Variants in SERPINF1 observed in about 807,000 individuals in gnomAD.
SERPINF1 encodes the protein pigment epithelium-derived factor.
SERPINF1 carries 29 observed loss-of-function variants against 37.3 expected under a neutral mutation model. The observed-to-expected ratio is 0.78, with a 90% CI of 0.58 to 1.06. The LOEUF is 1.06. Ranked by LOEUF, SERPINF1 falls within the 50% of genes least tolerant of loss-of-function variation. The probability of loss-of-function intolerance (pLI) is 0.00; values close to 1 mark genes in which losing one functional copy is unlikely to be tolerated. For missense variants in SERPINF1, 553 were observed against 532.2 expected (o/e 1.04, Z -0.38); for synonymous variants, 281 against 227.9 (o/e 1.23, Z -2.10).
intron 5 of SERPINF1, among the ~76,000 whole-genome samples, chr17:1,773,456 G>T (rs893895002): frequency 2.6e-5 from 4 of 152,122 alleles, no homozygotes; most frequent in Admixed American, 1.3e-4. Context: ...ATGCTGGCCA[G>T]GCTGTTCTCG....
In SERPINF1 at chr17:1,771,762, A is replaced by G. The variant is rs1448152624; in HGVS notation, c.440-110A>G. On this transcript the variant is annotated intron_variant, in intron 4 of 7. Transcript: ENST00000254722. Reference sequence around the variant, plus strand: ...AAGTCACAGGAAGATGCTGGCTGGGAAGTCAGGGCCTGCTGAGCGCTAAAC... The same window carrying G: ...AAGTCACAGGAAGATGCTGGCTGGGGAGTCAGGGCCTGCTGAGCGCTAAAC... 5.0e-6 allele frequency: 5 copies of G among 1,008,338 alleles called. No homozygotes were observed. In the Admixed American group the frequency reaches 9.6e-5, roughly 19 times the overall value. The allele number at this position is 1,008,338 out of a possible 1,614,324, so 62.5% of individuals were successfully genotyped here.
At chr17:1,772,621 C>T (rs912581877) in intron 5 of SERPINF1, among the ~76,000 whole-genome samples, 5 of 150,628 alleles carry the variant, frequency 3.3e-5, no homozygotes, top group African/African-American at 7.3e-5. Context: ...TGCAGTGGCG[C>T]GATCTCGGCT....
Position 1,777,488 on chromosome 17 carries a change from G to A in SERPINF1, c.*42G>A, listed in dbSNP as rs754816339. ...TCCAATACCCTAGAAGAAAACCCGAGGGACAGCAGATTCCACAGGACACGA... is the reference window on the plus strand; with the variant it reads ...TCCAATACCCTAGAAGAAAACCCGAAGGACAGCAGATTCCACAGGACACGA... On this transcript the variant is annotated 3_prime_UTR_variant, in exon 8 of 8. Transcript: ENST00000254722. The A allele has an allele frequency of 4.3e-5, 69 of 1,613,224 alleles. No homozygotes were observed. The highest frequency in any genetic ancestry group is 5.8e-5 in the Non-Finnish European group (68 of 1,179,830).
At chr17:1,771,845 G>T (rs771620153) in intron 4 of SERPINF1, 27 bp from the exon 5 acceptor site, 16 of 1,605,344 alleles carry the variant, frequency 1.0e-5, no homozygotes, top group Non-Finnish European at 1.3e-5. Flanking sequence ...AGTCTCATAC[G>T]CTAACCTCTG....
intron 2 of SERPINF1, among the ~76,000 whole-genome samples, chr17:1,768,469 T>C (rs1425163086): frequency 6.6e-6 from 1 of 150,858 alleles, no homozygotes; most frequent in Non-Finnish European, 1.5e-5. Context: ...AACTGAGTTC[T>C]TTTTTTTAAC....
intron 1 of SERPINF1, among the ~76,000 whole-genome samples, chr17:1,765,143 C>CT (rs34386380): frequency 0.38 from 46,778 of 124,710 alleles, 9,206 homozygotes; most frequent in African/African-American, 0.42. Context: ...TGCGCCTGGC[C>CT]TTTTTTTTTT....
chr17:1,777,037 A>G, intron 7 of SERPINF1, 150 bp from the exon 8 acceptor site: 1 of 1,238,566 alleles, frequency 8.1e-7, no homozygotes, highest in African/African-American at 1.5e-5. Context: ...CTCCTGGGCA[A>G]GTCACTCCAC....
chr17:1,773,248 T>G (rs1332218912), intron 5 of SERPINF1, among the ~76,000 whole-genome samples: 36 of 151,988 alleles, frequency 2.4e-4, no homozygotes. Context: ...CAGACAAGAT[T>G]TATTTATTTA....
intron 2 of SERPINF1, among the ~76,000 whole-genome samples, chr17:1,768,839 T>A (rs1362113020): frequency 6.6e-6 from 1 of 151,894 alleles, no homozygotes; most frequent in African/African-American, 2.4e-5. Context: ...AGGGTCTCAC[T>A]CTGTCACCCA....
intron 4 of SERPINF1, among the ~76,000 whole-genome samples, 157 bp downstream of exon 4, chr17:1,771,341 C>T (rs1271743999): frequency 5.9e-5 from 9 of 151,558 alleles, no homozygotes; most frequent in East Asian, 1.9e-4. Context: ...CTCCACCTCC[C>T]GGGTTCACAC....
At chr17:1,763,388 C>CCTTG (rs1567751058) in intron 1 of SERPINF1, among the ~76,000 whole-genome samples, 1 of 152,232 alleles carries the variant, frequency 6.6e-6, no homozygotes. Context: ...TAAGGCCTGA[C>CCTTG]CTTGGCCCAG....
At position 1,776,738 on chromosome 17, in the gene SERPINF1, G is replaced by T; in HGVS notation, c.993G>T (p.Glu331Asp). 6.2e-7 allele frequency: 1 copy of T among 1,613,292 alleles called. No individual in the cohort carries two copies. Among genetic ancestry groups the T allele is most frequent in the East Asian group, 2.2e-5 (1 of 44,806 alleles). ...GCGAAGTCACCAAGTCCCTGCAGGA[G>T]ATGAGTATGTCTGAAGACCCTTTCG... ...YEGEVTKSLQEMKLQSLFDSP... is the reference protein window; with the variant it reads ...YEGEVTKSLQDMKLQSLFDSP... The change falls in exon 7 of 8, where the codon GAG becomes GAT. Residue 331 changes from glutamate (E) to aspartate (D), a missense_variant. Glu to Asp is a conservative substitution (Grantham distance 45). Transcript: ENST00000254722.
At chr17:1,774,956 T>C (rs1342662922) in intron 5 of SERPINF1, 102 bp from the exon 6 acceptor site, 27 of 1,484,950 alleles carry the variant, frequency 1.8e-5, no homozygotes, top group Non-Finnish European at 2.5e-5. Context: ...CTAAGCTCCC[T>C]TGAGTGGGGC....
chr17:1,771,805 A>T, intron 4 of SERPINF1, 67 bp from the exon 5 acceptor site: 1 of 1,502,012 alleles, frequency 6.7e-7, no homozygotes, highest in Non-Finnish European at 9.1e-7. Flanking sequence ...CGAGCCTGGC[A>T]GGCTCTCAAA....
chr17:1,771,796 G>C (rs376671630), intron 4 of SERPINF1, 76 bp from the exon 5 acceptor site: 7 of 1,467,488 alleles, frequency 4.8e-6, no homozygotes, highest in Admixed American at 1.7e-5. Flanking sequence ...ACCAGAACCC[G>C]AGCCTGGCAG....
chr17:1,776,445 C>T (rs564438906), intron 6 of SERPINF1, 87 bp from the exon 7 acceptor site: 75 of 1,209,114 alleles, frequency 6.2e-5, no homozygotes, highest in Non-Finnish European at 8.3e-5. Flanking sequence ...GGCCCCGTCA[C>T]GGGAGAGGGA....
intron 6 of SERPINF1, 43 bp downstream of exon 6, chr17:1,775,243 A>AGGAT (rs1567757469): frequency 6.3e-7 from 1 of 1,590,962 alleles, no homozygotes; most frequent in Non-Finnish European, 8.6e-7. Context: ...ATGGAGGGAG[A>AGGAT]GGATAGAGAA....
chr17:1,771,955 T>G lies in SERPINF1; in HGVS notation c.523T>G (p.Leu175Val). 1.2e-6 allele frequency: 2 copies of G among 1,613,874 alleles called. No individual in the cohort carries two copies. Among genetic ancestry groups the G allele is most frequent in the Non-Finnish European group, 1.7e-6 (2 of 1,179,998 alleles). ...CAGAGTCCTGACGGGCAACCCTCGCTTGGACCTGCAAGAGATCAACAACTG... is the reference window on the plus strand; with the variant it reads ...CAGAGTCCTGACGGGCAACCCTCGCGTGGACCTGCAAGAGATCAACAACTG... ...RPRVLTGNPRLDLQEINNWVQ... is the reference protein window; with the variant it reads ...RPRVLTGNPRVDLQEINNWVQ... The change falls in exon 5 of 8, where the codon TTG (leucine) becomes GTG (valine). Residue 175 changes from leucine to valine, a missense_variant. Coordinates refer to ENST00000254722, the MANE Select transcript of SERPINF1 (RefSeq NM_002615.7).
chr17:1,771,144 G>T lies in SERPINF1; in HGVS notation c.399G>T (p.Gln133His). 2 of 1,614,016 alleles carry T rather than the reference G, an allele frequency of 1.2e-6. No individual in the cohort carries two copies. The highest frequency in any genetic ancestry group is 8.5e-7 in the Non-Finnish European group (1 of 1,179,962). The change falls in exon 4 of 8, where the codon CAG becomes CAT. Residue 133 changes from glutamine to histidine, a missense_variant. Gln to His is a conservative substitution (Grantham distance 24). Transcript: ENST00000254722. ...KELLDTVTAP[Q>H]KNLKSASRIV... ...TCCTTGACACGGTCACTGCCCCCCAGAAGAACCTCAAGAGTGCCTCCCGGA... is the reference window on the plus strand; with the variant it reads ...TCCTTGACACGGTCACTGCCCCCCATAAGAACCTCAAGAGTGCCTCCCGGA...
Sources: allele counts gnomAD v4.1 joint callset (sites outside exome capture counted in the v4.1 genomes callset), GRCh38; gene constraint gnomAD v4.1.1; transcripts MANE v1.5; gene names NCBI Gene and HGNC (gene_info 2026-07-23, HGNC 2026-07-21).